The following RSU1 variants were observed in gnomAD, a reference collection of about 807,000 sequenced individuals.
RSU1 encodes Ras suppressor protein 1.
Under a neutral mutation model 31.1 loss-of-function variants are expected in RSU1, and 26 were observed. The observed-to-expected ratio is 0.84, with a 90% confidence interval of 0.61 to 1.16. RSU1 has a LOEUF of 1.16. RSU1 is among the 50% of genes most tolerant of loss of function. The pLI, the probability that RSU1 is intolerant of heterozygous loss-of-function variation, is 0.00. For missense variants in RSU1, 320 were observed against 339.1 expected, an observed-to-expected ratio of 0.94 and a Z score of 0.44; for synonymous variants, 164 against 136.3, an observed-to-expected ratio of 1.20 and a Z score of -1.41.
intron 2 of RSU1, among the ~76,000 whole-genome samples, chr10:16,786,315 C>T (rs1172802230): frequency 6.6e-6 from 1 of 152,150 alleles, no homozygotes; most frequent in African/African-American, 2.4e-5. Context: ...GGTTAAATTG[C>T]CCCTGATTTG....
Position 16,663,573 on chromosome 10 carries a change from C to A in RSU1, c.731+31450G>T, listed in dbSNP as rs73603131. ...TCTCTGCCATTATACAGTGCAGGAG[C>A]CTCTGCAGGCTGGGAAGCTACGCCT... On this transcript the variant is annotated intron_variant, in intron 8 of 8. Transcript: ENST00000345264. 1.2e-3 allele frequency among the ~76,000 whole-genome samples: 184 copies of A among 152,268 alleles called. 1 individual carries two copies. The highest frequency in any genetic ancestry group is 4.3e-3 in the African/African-American group (178 of 41,558).
intron 8 of RSU1, among the ~76,000 whole-genome samples, chr10:16,623,687 GT>G (rs1225984542): frequency 6.6e-6 from 1 of 152,106 alleles, no homozygotes; most frequent in Admixed American, 6.6e-5. Context: ...CCAGCATGTT[GT>G]TTTTTGACAT....
At chr10:16,752,383 C>T (rs1271276197) in intron 7 of RSU1, 156 bp downstream of exon 7, 3 of 596,142 alleles carry the variant, frequency 5.0e-6, no homozygotes, top group Non-Finnish European at 9.0e-6. Context: ...TAACAGCTAA[C>T]TCTGGTCAAT....
At chr10:16,612,037 T>G (rs1197755112) in intron 8 of RSU1, among the ~76,000 whole-genome samples, 2 of 152,162 alleles carry the variant, frequency 1.3e-5, no homozygotes, top group African/African-American at 4.8e-5. Flanking sequence ...TCAATAGGGT[T>G]GTTGGGAGGA....
chr10:16,678,074 T>A (rs1588710055), intron 8 of RSU1, among the ~76,000 whole-genome samples: 1 of 152,190 alleles, frequency 6.6e-6, no homozygotes, highest in African/African-American at 2.4e-5. Context: ...TCTTTCAAGA[T>A]CCATTCTTCC....
At chr10:16,741,110 G>C (rs1836741691) in intron 7 of RSU1, among the ~76,000 whole-genome samples, 1 of 152,158 alleles carries the variant, frequency 6.6e-6, no homozygotes, top group African/African-American at 2.4e-5. Context: ...CATAAGGATA[G>C]ACATATAAAT....
chr10:16,764,593 C>A, intron 3 of RSU1, 83 bp from the exon 4 acceptor site: 1 of 1,418,154 alleles, frequency 7.1e-7, no homozygotes, highest in South Asian at 1.4e-5. Context: ...GTTTTTCTTT[C>A]AAAGCAAAGA....
intron 8 of RSU1, among the ~76,000 whole-genome samples, chr10:16,649,336 T>A (rs1834637235): frequency 6.6e-6 from 1 of 152,170 alleles, no homozygotes; most frequent in Non-Finnish European, 1.5e-5. Context: ...TTGGAGTAGC[T>A]TATTTATCCA....
At position 16,696,931 on chromosome 10, in the gene RSU1, C is replaced by G. The variant is rs555420145; in HGVS notation, c.599-1776G>C. Among the ~76,000 whole-genome samples the G allele has an allele frequency of 4.3e-4, 66 of 152,174 alleles. 1 individual carries two copies. The South Asian group carries it at 0.013, about 30-fold the overall frequency. Reference sequence around the variant, plus strand: ...TACATTTCTCTATAATTCTTATTTCCTCTTAAAATCTAGTTTGCTGCACTC... The same window carrying G: ...TACATTTCTCTATAATTCTTATTTCGTCTTAAAATCTAGTTTGCTGCACTC... On this transcript the variant is annotated intron_variant, in intron 7 of 8. Transcript: ENST00000345264.
At chr10:16,601,758 A>T (rs1833718745) in intron 8 of RSU1, among the ~76,000 whole-genome samples, 1 of 152,182 alleles carries the variant, frequency 6.6e-6, no homozygotes, top group Admixed American at 6.5e-5. Context: ...TTCTGCACTA[A>T]CAGGCGTGTG....
At chr10:16,696,648 C>A (rs1835681688) in intron 7 of RSU1, among the ~76,000 whole-genome samples, 1 of 152,200 alleles carries the variant, frequency 6.6e-6, no homozygotes. Flanking sequence ...TCAATATTGT[C>A]AATTTCCTCA....
chr10:16,680,872 AG>A (rs1266413502), intron 8 of RSU1, among the ~76,000 whole-genome samples: 3 of 152,236 alleles, frequency 2.0e-5, no homozygotes, highest in Non-Finnish European at 4.4e-5. Flanking sequence ...GCTCAAGTTT[AG>A]CACCTTGTTC....
intron 2 of RSU1, among the ~76,000 whole-genome samples, chr10:16,807,210 T>G (rs77933682): frequency 0.024 from 3,634 of 152,342 alleles, 130 homozygotes; most frequent in African/African-American, 0.082. Context: ...GAAACCTCCT[T>G]GCAAGTAATT....
chr10:16,696,540 A>C (rs985186025), intron 7 of RSU1, among the ~76,000 whole-genome samples: 1 of 152,238 alleles, frequency 6.6e-6, no homozygotes, highest in Non-Finnish European at 1.5e-5. Context: ...ACACACTACT[A>C]AATATCAAGA....
At chr10:16,723,267 T>A (rs545756088) in intron 7 of RSU1, 1 of 152,142 alleles carries the variant, frequency 6.6e-6, no homozygotes, top group Non-Finnish European at 1.5e-5. Flanking sequence ...TTATATAAGA[T>A]CCAACGTTTT....
chr10:16,677,196 T>C (rs1002882135), intron 8 of RSU1, among the ~76,000 whole-genome samples: 19 of 152,246 alleles, frequency 1.2e-4, no homozygotes, highest in Non-Finnish European at 2.5e-4. Context: ...GACAACGTTC[T>C]TTTAAACTGG....
chr10:16,701,830 G>A (rs969192719), intron 7 of RSU1, among the ~76,000 whole-genome samples: 19 of 152,286 alleles, frequency 1.2e-4, no homozygotes, highest in African/African-American at 3.8e-4. Context: ...AGGGATAGAA[G>A]AAGCTCTCAG....
chr10:16,624,720 T>C (rs1834126634), intron 8 of RSU1, among the ~76,000 whole-genome samples: 1 of 152,200 alleles, frequency 6.6e-6, no homozygotes, highest in Non-Finnish European at 1.5e-5. Flanking sequence ...GCACACTCTT[T>C]GATTAGGTGG....
At chr10:16,723,041 G>C (rs961488113) in intron 7 of RSU1, 9 of 148,932 alleles carry the variant, frequency 6.0e-5, no homozygotes, top group African/African-American at 2.2e-4. Context: ...TATGTATATA[G>C]ACATACATAC....
Sources: gnomAD v4.1 joint callset for allele counts (sites outside exome capture counted in the v4.1 genomes callset) on GRCh38, gnomAD v4.1.1 for gene constraint, MANE v1.5 for transcripts, NCBI Gene and HGNC (gene_info 2026-07-23, HGNC 2026-07-21) for gene names.